MGAT4D: variants seen among roughly 807,000 people sequenced by gnomAD.
MGAT4D encodes MGAT4 family member D, also known as alpha-1,3-mannosyl-glycoprotein 4-beta-N-acetylglucosaminyltransferase-like protein MGAT4D.
A neutral mutation model predicts 15.9 loss-of-function variants in MGAT4D; 34 were observed. That is an observed-to-expected ratio of 2.14 (90% CI 1.62 to 2.84). MGAT4D has a LOEUF of 2.84. Ranked by LOEUF, MGAT4D falls within the 30% of genes most tolerant of loss-of-function variation. MGAT4D has a pLI of 0.00. For missense variants in MGAT4D, 327 were observed against 140.2 expected (o/e 2.33, Z -6.73); for synonymous variants, 112 against 48.2 (o/e 2.33, Z -5.49).
intron 1 of MGAT4D, among the ~76,000 whole-genome samples, chr4:140,495,714 G>GTTAAT (rs1222893672): frequency 2.6e-4 from 40 of 152,226 alleles, no homozygotes; most frequent in African/African-American, 9.4e-4. Context: ...ATAAAATTTT[G>GTTAAT]TTAATTTAAT....
intron 5 of MGAT4D, among the ~76,000 whole-genome samples, chr4:140,471,185 C>A (rs1157545122): frequency 6.6e-6 from 1 of 151,928 alleles, no homozygotes; most frequent in East Asian, 1.9e-4. Context: ...AGTCACCATG[C>A]CTGGCCCTCC....
intron 1 of MGAT4D, among the ~76,000 whole-genome samples, chr4:140,487,233 T>G (rs1733202515): frequency 6.6e-6 from 1 of 152,264 alleles, no homozygotes; most frequent in Non-Finnish European, 1.5e-5. Context: ...TAACACTATT[T>G]TGCAAAGGTT....
intron 10 of MGAT4D, chr4:140,450,021 A>G: frequency 7.0e-6 from 2 of 284,184 alleles, no homozygotes; most frequent in Non-Finnish European, 1.3e-5. Flanking sequence ...GTCGCTTAAG[A>G]AAGTTGAGAA....
At chr4:140,466,696 A>AT (rs1264688870) in intron 5 of MGAT4D, among the ~76,000 whole-genome samples, 3 of 152,074 alleles carry the variant, frequency 2.0e-5, no homozygotes, top group East Asian at 3.9e-4. Context: ...AACAATTGTG[A>AT]TTTTTTTCCC....
intron 10 of MGAT4D, among the ~76,000 whole-genome samples, chr4:140,445,724 T>C (rs1730078337): frequency 6.6e-6 from 1 of 152,310 alleles, no homozygotes; most frequent in South Asian, 2.1e-4. Context: ...AAGGAAGGTG[T>C]CCAGTTTCAA....
At chr4:140,454,109 CCTTTATTGCA>C (rs1383151628) in intron 9 of MGAT4D, among the ~76,000 whole-genome samples, 1 of 151,130 alleles carries the variant, frequency 6.6e-6, no homozygotes, top group Non-Finnish European at 1.5e-5. Flanking sequence ...TTTGTTTTTC[CCTTTATTGCA>C]CTGGTTTGAA....
intron 9 of MGAT4D, among the ~76,000 whole-genome samples, chr4:140,452,970 T>G (rs1362066960): frequency 6.6e-6 from 1 of 152,174 alleles, no homozygotes; most frequent in Non-Finnish European, 1.5e-5. Flanking sequence ...TTGAGAGATA[T>G]GGCACCAATT....
In MGAT4D at chr4:140,486,370, A is replaced by G. The variant is rs939688859; in HGVS notation, c.95-3885T>C. On this transcript the variant is annotated intron_variant, in intron 1 of 10. Coordinates refer to ENST00000511113, the MANE Select transcript of MGAT4D (RefSeq NM_001277353.2). ...TTCCCTTATTATTATTTTTTTAATT[A>G]TACTTTAAGTTCTGGGGTACATGTG... Among the ~76,000 whole-genome samples the G allele has an allele frequency of 2.6e-5, 4 of 152,212 alleles. No homozygotes were observed. The East Asian group carries it at 7.7e-4, about 29-fold the overall frequency.
chr4:140,489,431 C>A (rs1426342596), intron 1 of MGAT4D, among the ~76,000 whole-genome samples: 3 of 152,028 alleles, frequency 2.0e-5, no homozygotes, highest in Non-Finnish European at 4.4e-5. Context: ...AATGAACATC[C>A]ATGAACCCAT....
chr4:140,467,975 T>C (rs1020911423), intron 5 of MGAT4D, among the ~76,000 whole-genome samples: 2 of 151,994 alleles, frequency 1.3e-5, no homozygotes, highest in Non-Finnish European at 2.9e-5. Context: ...CTAAATTGAA[T>C]AGGCAAAAGT....
At chr4:140,462,779 T>C (rs1731278382) in intron 6 of MGAT4D, 1 of 152,126 alleles carries the variant, frequency 6.6e-6, no homozygotes, top group Admixed American at 6.5e-5. Context: ...GAATGATAAC[T>C]GAAAAGAATT....
chr4:140,494,841 A>G (rs1410533646), intron 1 of MGAT4D, among the ~76,000 whole-genome samples: 1 of 152,186 alleles, frequency 6.6e-6, no homozygotes, highest in African/African-American at 2.4e-5. Context: ...ATTCTACAAT[A>G]TATAGGACTG....
At chr4:140,454,970 T>G (rs1445256536) in intron 9 of MGAT4D, among the ~76,000 whole-genome samples, 1 of 152,170 alleles carries the variant, frequency 6.6e-6, no homozygotes, top group African/African-American at 2.4e-5. Flanking sequence ...TAACCTGTAT[T>G]TTTTGTCACT....
intron 6 of MGAT4D, among the ~76,000 whole-genome samples, chr4:140,463,537 A>G (rs1731332547): frequency 6.6e-6 from 1 of 152,100 alleles, no homozygotes. Context: ...CACCCAAAGA[A>G]ACTTTTTTCT....
At chr4:140,466,155 A>G (rs1373679754) in intron 5 of MGAT4D, among the ~76,000 whole-genome samples, 1 of 145,274 alleles carries the variant, frequency 6.9e-6, no homozygotes, top group Non-Finnish European at 1.5e-5. Context: ...CTGACAGATG[A>G]AAGTGCAGAA....
At chr4:140,450,294 G>C (rs1578635794) in intron 10 of MGAT4D, among the ~76,000 whole-genome samples, 1 of 152,062 alleles carries the variant, frequency 6.6e-6, no homozygotes, top group East Asian at 1.9e-4. Context: ...AATTTACAAA[G>C]GTGAGGTTAA....
At chr4:140,459,146 C>G (rs944706376) in intron 8 of MGAT4D, 1 of 152,944 alleles carries the variant, frequency 6.5e-6, no homozygotes, top group African/African-American at 2.4e-5. Context: ...AAGTCCCTTT[C>G]TCTACAATTT....
At chr4:140,460,232 T>C (rs144380572) in intron 7 of MGAT4D, among the ~76,000 whole-genome samples, 3 of 152,364 alleles carry the variant, frequency 2.0e-5, no homozygotes, top group East Asian at 3.9e-4. Flanking sequence ...CTTAGTCCAT[T>C]TGAGCTGTTA....
At chr4:140,462,240 C>G (rs1270803273) in intron 6 of MGAT4D, among the ~76,000 whole-genome samples, 1 of 151,998 alleles carries the variant, frequency 6.6e-6, no homozygotes, top group Non-Finnish European at 1.5e-5. Context: ...AAGCACAACC[C>G]ATTTGTTTTA....
Sources: gnomAD v4.1 joint callset for allele counts (sites outside exome capture counted in the v4.1 genomes callset) on GRCh38, gnomAD v4.1.1 for gene constraint, MANE v1.5 for transcripts, NCBI Gene and HGNC (gene_info 2026-07-23, HGNC 2026-07-21) for gene names.